SCCPDH: variants seen among roughly 807,000 people sequenced by gnomAD.
The protein encoded by SCCPDH is saccharopine dehydrogenase (putative).
Under a neutral mutation model 51.5 loss-of-function variants are expected in SCCPDH, and 34 were observed. That is an observed-to-expected ratio of 0.66 (90% confidence interval 0.50 to 0.88). The LOEUF (loss-of-function observed/expected upper bound fraction) is 0.88, where lower values mean the gene tolerates loss of function less well. SCCPDH is among the 40% of genes least tolerant of loss of function. The probability of loss-of-function intolerance (pLI) is 0.00; values close to 1 mark genes in which losing one functional copy is unlikely to be tolerated. For synonymous variants in SCCPDH, 187 were observed against 191.3 expected (o/e 0.98, Z 0.19); for missense variants, 464 against 527.1 (o/e 0.88, Z 1.17).
At chr1:246,764,688 A>C (rs1669064014) in intron 10 of SCCPDH, among the ~76,000 whole-genome samples, 1 of 152,232 alleles carries the variant, frequency 6.6e-6, no homozygotes, top group Non-Finnish European at 1.5e-5. Context: ...TGTCAGTCAA[A>C]TCTGTGCTCT....
intron 5 of SCCPDH, among the ~76,000 whole-genome samples, chr1:246,756,354 G>A (rs536137370): frequency 2.4e-4 from 37 of 152,298 alleles, no homozygotes; most frequent in Non-Finnish European, 4.4e-4. Flanking sequence ...AAGGCAGGAC[G>A]GAAGGAGGGC....
intron 4 of SCCPDH, among the ~76,000 whole-genome samples, chr1:246,741,245 C>T (rs904065283): frequency 6.6e-5 from 10 of 151,828 alleles, no homozygotes; most frequent in African/African-American, 1.5e-4. Context: ...ACAAAGATAG[C>T]ACACACACAC....
Position 246,732,393 on chromosome 1 carries a change from AT to A in SCCPDH, c.304-3569del, listed in dbSNP as rs879646248. On this transcript the variant is annotated intron_variant, in intron 2 of 11. Coordinates refer to ENST00000366510, the MANE Select transcript of SCCPDH (RefSeq NM_016002.3). ...AGGTAGCATGAAAGACTGCTTCCAG[AT>A]TTTTTTTTTTTTGAGGCGGTTCTTG... Among the ~76,000 whole-genome samples, 1,181 of 145,156 alleles carry A rather than the reference AT, an allele frequency of 8.1e-3. 8 individuals carry two copies. Among genetic ancestry groups the A allele is most frequent in the African/African-American group, 0.023 (937 of 39,972 alleles).
intron 7 of SCCPDH, among the ~76,000 whole-genome samples, chr1:246,759,702 ATTACTAT>A (rs1417765214): frequency 6.6e-6 from 1 of 152,210 alleles, no homozygotes. Flanking sequence ...GGGGAAGCTA[ATTACTAT>A]TTATAAACAA....
chr1:246,739,879 AT>A (rs1668652872), intron 3 of SCCPDH, among the ~76,000 whole-genome samples: 1 of 150,234 alleles, frequency 6.7e-6, no homozygotes, highest in Non-Finnish European at 1.5e-5. Context: ...TTTGCTTTCT[AT>A]TTTTTATATT....
intron 4 of SCCPDH, among the ~76,000 whole-genome samples, chr1:246,742,211 C>T (rs988282451): frequency 6.6e-6 from 1 of 152,334 alleles, no homozygotes; most frequent in South Asian, 2.1e-4. Flanking sequence ...GTGTTCCAAT[C>T]CTTAGACCTA....
intron 5 of SCCPDH, among the ~76,000 whole-genome samples, chr1:246,745,250 A>G (rs912510079): frequency 6.6e-6 from 1 of 152,232 alleles, no homozygotes; most frequent in African/African-American, 2.4e-5. Context: ...ATGTTTTATG[A>G]CAATACTTTT....
intron 3 of SCCPDH, among the ~76,000 whole-genome samples, chr1:246,738,152 C>T (rs886380265): frequency 3.3e-5 from 5 of 151,706 alleles, no homozygotes; most frequent in African/African-American, 9.7e-5. Flanking sequence ...GCCAAGATTG[C>T]GCCACTGCAC....
rs1239437790 is a variant in SCCPDH, at chr1:246,735,889, AC to A, written c.304-85del. 7.2e-6 allele frequency: 6 copies of A among 836,692 alleles called. No homozygotes were observed. In the Middle Eastern group the frequency reaches 6.8e-4, roughly 95 times the overall value. The allele number at this position is 836,692 out of a possible 1,614,324, so 51.8% of individuals were successfully genotyped here. A position where few individuals can be genotyped will look rare whatever the true frequency, so the allele number is the denominator to read the frequency against. On this transcript the variant is annotated intron_variant, in intron 2 of 11. Coordinates refer to ENST00000366510, the MANE Select transcript of SCCPDH (RefSeq NM_016002.3). ...AACAGTTGATTTCTTGATAACTAGG[AC>A]TGTTTACTTCCAGGATTAGATGGCA...
At chr1:246,766,851 T>C (rs1002712995) in intron 11 of SCCPDH, among the ~76,000 whole-genome samples, 2 of 152,258 alleles carry the variant, frequency 1.3e-5, no homozygotes, top group Admixed American at 6.5e-5. Context: ...ATTTATTCCA[T>C]TCGGGTCTTT....
At chr1:246,744,643 TCTCA>T (rs1482283035) in intron 5 of SCCPDH, among the ~76,000 whole-genome samples, 1 of 151,072 alleles carries the variant, frequency 6.6e-6, no homozygotes, top group Non-Finnish European at 1.5e-5. Flanking sequence ...TGAGACAGAG[TCTCA>T]CTCTGTTGCC....
chr1:246,736,801 T>G (rs952390341), intron 3 of SCCPDH, among the ~76,000 whole-genome samples: 1 of 152,210 alleles, frequency 6.6e-6, no homozygotes, highest in African/African-American at 2.4e-5. Flanking sequence ...TTTTAAATGT[T>G]CACATTTATT....
At chr1:246,732,743 A>C (rs528696267) in intron 2 of SCCPDH, among the ~76,000 whole-genome samples, 4 of 152,350 alleles carry the variant, frequency 2.6e-5, no homozygotes. Flanking sequence ...TAAATAAAAA[A>C]AAGAAGCCAT....
chr1:246,765,972 T>C, intron 10 of SCCPDH, 86 bp from the exon 11 acceptor site: 1 of 866,990 alleles, frequency 1.2e-6, no homozygotes, highest in Non-Finnish European at 1.9e-6. Context: ...TAGAGTAAGA[T>C]ATAAAATCTA....
At chr1:246,747,128 C>A (rs1447030406) in intron 5 of SCCPDH, among the ~76,000 whole-genome samples, 1 of 152,140 alleles carries the variant, frequency 6.6e-6, no homozygotes, top group Non-Finnish European at 1.5e-5. Context: ...ACTGTCCGAA[C>A]TCTTTTTTTC....
chr1:246,749,296 G>T (rs1668816486), intron 5 of SCCPDH, among the ~76,000 whole-genome samples: 2 of 152,176 alleles, frequency 1.3e-5, no homozygotes, highest in South Asian at 4.1e-4. Flanking sequence ...CCAAGCATTT[G>T]CATCCAGATA....
chr1:246,726,753 T>C, intron 1 of SCCPDH, 139 bp from the exon 2 acceptor site: 1 of 619,206 alleles, frequency 1.6e-6, no homozygotes, highest in Non-Finnish European at 2.8e-6. Flanking sequence ...CAGTTTTATC[T>C]TTTGTCTAAG....
intron 5 of SCCPDH, among the ~76,000 whole-genome samples, chr1:246,747,984 C>T (rs910539888): frequency 5.3e-5 from 8 of 152,174 alleles, no homozygotes; most frequent in African/African-American, 1.4e-4. Context: ...ACTCATTGTA[C>T]GTAACAATTT....
At position 246,767,262 on chromosome 1, in the gene SCCPDH, G is replaced by T. The variant is rs7779; in HGVS notation, c.1252G>T (p.Gly418Cys). ...GTTGATTGACAGACTCAACAAACAC[G>T]GTATTGAGTTTAGTGTTATTAGCAG... ...TKLIDRLNKH[G>C]IEFSVISSSE... The change falls in exon 12 of 12, where the codon GGT becomes TGT. Residue 418 changes from glycine to cysteine, a missense_variant. Gly to Cys is a radical substitution (Grantham distance 159, BLOSUM62 -3). Coordinates refer to ENST00000366510, the MANE Select transcript of SCCPDH (RefSeq NM_016002.3). The T allele has an allele frequency of 2.2e-5, 36 of 1,609,428 alleles. No homozygotes were observed. Among genetic ancestry groups the T allele is most frequent in the Non-Finnish European group, 2.8e-5 (33 of 1,177,386 alleles).
Sources: gnomAD v4.1 joint callset for allele counts (sites outside exome capture counted in the v4.1 genomes callset) on GRCh38, gnomAD v4.1.1 for gene constraint, MANE v1.5 for transcripts, NCBI Gene and HGNC (gene_info 2026-07-23, HGNC 2026-07-21) for gene names.